The following RNF141 variants were observed in gnomAD, a reference collection of about 807,000 sequenced individuals.
RNF141 encodes the protein ring finger protein 141.
A neutral mutation model predicts 27.4 loss-of-function variants in RNF141; 18 were observed. That is an observed-to-expected ratio of 0.66 (90% CI 0.45 to 0.97). RNF141 has a LOEUF of 0.97. Ranked by LOEUF, RNF141 falls within the 50% of genes least tolerant of loss-of-function variation. The pLI is 0.00. For missense variants in RNF141, 230 were observed against 279.4 expected (o/e 0.82, Z 1.26); for synonymous variants, 97 against 96.6 (o/e 1.00, Z -0.02).
intron 4 of RNF141, among the ~76,000 whole-genome samples, chr11:10,519,583 G>T (rs1849870452): frequency 6.7e-6 from 1 of 148,566 alleles, no homozygotes; most frequent in Non-Finnish European, 1.5e-5. Context: ...AACCTAGATG[G>T]TTTAGCCTAC....
rs191643044 is a variant in RNF141 at position 10,511,954 on chromosome 11, T to C, written c.*2962A>G. ...AAAATCACTTGCGAAAGATTATTTA[T>C]TGCACAATTTATCAGTGGGTACTAA... On this transcript the variant is annotated 3_prime_UTR_variant, in exon 6 of 6. Transcript: ENST00000265981. The C allele has an allele frequency of 3.3e-5, 5 of 152,752 alleles. No homozygotes were observed. Among genetic ancestry groups the C allele is most frequent in the Admixed American group, 2.0e-4 (3 of 15,298 alleles). 9.5% of individuals were successfully genotyped at this position (152,752 alleles called of 1,614,324 possible). A position where few individuals can be genotyped will look rare whatever the true frequency, so the allele number is the denominator to read the frequency against.
At chr11:10,520,972 T>C (rs943212782) in intron 4 of RNF141, among the ~76,000 whole-genome samples, 1 of 152,220 alleles carries the variant, frequency 6.6e-6, no homozygotes, top group Non-Finnish European at 1.5e-5. Flanking sequence ...AATGCTGACA[T>C]TGATAATGGG....
At chr11:10,524,547 A>G (rs912311257) in intron 4 of RNF141, among the ~76,000 whole-genome samples, 1 of 152,228 alleles carries the variant, frequency 6.6e-6, no homozygotes, top group East Asian at 1.9e-4. Context: ...TTCCAATGAG[A>G]TATTTACAAA....
intron 3 of RNF141, among the ~76,000 whole-genome samples, chr11:10,526,081 G>A (rs186371493): frequency 8.5e-5 from 13 of 152,234 alleles, no homozygotes; most frequent in Admixed American, 7.2e-4. Flanking sequence ...TGAAATGACC[G>A]AGGCCAGTAA....
chr11:10,532,677 A>G (rs1294606516), intron 2 of RNF141, among the ~76,000 whole-genome samples: 2 of 152,218 alleles, frequency 1.3e-5, no homozygotes, highest in East Asian at 3.8e-4. Flanking sequence ...ATGTCTTCAC[A>G]TAAAGACAGT....
At chr11:10,534,278 A>T in intron 1 of RNF141, 73 bp from the exon 2 acceptor site, 1 of 1,070,896 alleles carries the variant, frequency 9.3e-7, no homozygotes, top group Admixed American at 2.3e-5. Context: ...TCAAAAACAT[A>T]AAGAAAAACT....
In RNF141 at chr11:10,512,176, G is replaced by A. The variant is rs1350054635; in HGVS notation, c.*2740C>T. ...CACATTATATTTCCTATCATAGTAA[G>A]TACATTTAAGTACTTCATATTTAAA... is the stretch of plus-strand genomic sequence containing the variant. On this transcript the variant is annotated 3_prime_UTR_variant, in exon 6 of 6. Transcript: ENST00000265981. 1 of 152,522 alleles carries A rather than the reference G, an allele frequency of 6.6e-6. No individual in the cohort carries two copies. The highest frequency in any genetic ancestry group is 1.5e-5 in the Non-Finnish European group (1 of 68,024). The allele number at this position is 152,522 out of a possible 1,614,324, so 9.4% of individuals were successfully genotyped here.
rs1436604078 is a variant in RNF141 at position 10,513,446 on chromosome 11, G to A, written c.*1470C>T. On this transcript the variant is annotated 3_prime_UTR_variant, in exon 6 of 6. Transcript: ENST00000265981. The stretch of plus-strand genomic sequence containing the variant: ...GGAATGTTAAATTTTAAAGGAGATA[G>A]GCCCTTGTTTTATTACATGCCGAAA... 6.6e-6 allele frequency: 1 copy of A among 152,086 alleles called. No homozygotes were observed. Among genetic ancestry groups the A allele is most frequent in the Non-Finnish European group, 1.5e-5 (1 of 68,010 alleles). 9.4% of individuals were successfully genotyped at this position (152,086 alleles called of 1,614,324 possible).
chr11:10,532,712 C>T (rs1198561481), intron 2 of RNF141, among the ~76,000 whole-genome samples: 2 of 152,148 alleles, frequency 1.3e-5, no homozygotes, highest in Non-Finnish European at 1.5e-5. Context: ...TAATATGTTA[C>T]AGATTGCTAA....
Position 10,534,143 on chromosome 11 carries a change from A to C in RNF141, c.16T>G (p.Ser6Ala), listed in dbSNP as rs753311836. The change falls in exon 2 of 6, where the codon TCG (serine) becomes GCG (alanine). Residue 6 changes from serine (S) to alanine (A), a missense_variant. Coordinates refer to ENST00000265981, the MANE Select transcript of RNF141 (RefSeq NM_016422.4). MGQQI[S>A]DQTQLVINKL... ...TTAATAACCAACTGTGTCTGATCCG[A>C]AATTTGCTGTCCCATGATGAAAAGA... The C allele has an allele frequency of 7.4e-6, 12 of 1,613,104 alleles. No individual in the cohort carries two copies. The highest frequency in any genetic ancestry group is 1.0e-5 in the Non-Finnish European group (12 of 1,179,550).
At chr11:10,521,360 C>T (rs1415665846) in intron 4 of RNF141, among the ~76,000 whole-genome samples, 1 of 152,190 alleles carries the variant, frequency 6.6e-6, no homozygotes, top group East Asian at 1.9e-4. Flanking sequence ...GTCTTAGATT[C>T]TCAATAAATG....
In RNF141 at chr11:10,516,062, G is replaced by T. The variant is rs1849840816; in HGVS notation, c.543-996C>A. 2.6e-5 allele frequency: 4 copies of T among 152,136 alleles called. No homozygotes were observed. In the South Asian group the frequency reaches 6.2e-4, roughly 24 times the overall value. The allele number at this position is 152,136 out of a possible 1,614,324, so 9.4% of individuals were successfully genotyped here. A position where few individuals can be genotyped will look rare whatever the true frequency, so the allele number is the denominator to read the frequency against. On this transcript the variant is annotated intron_variant, in intron 5 of 5. Transcript: ENST00000265981. ...AAATCTGGGACCAAAGTAATTATTT[G>T]TATCAACTGCTCTTTGGCTTTTATG...
intron 3 of RNF141, among the ~76,000 whole-genome samples, chr11:10,529,869 C>A (rs1222432842): frequency 6.6e-6 from 1 of 152,102 alleles, no homozygotes; most frequent in Non-Finnish European, 1.5e-5. Flanking sequence ...GTAAAACTGA[C>A]AATCTACTGA....
chr11:10,526,155 A>C (rs1175658316), intron 3 of RNF141, among the ~76,000 whole-genome samples: 2 of 152,204 alleles, frequency 1.3e-5, no homozygotes, highest in African/African-American at 4.8e-5. Flanking sequence ...GACATGAAAG[A>C]CTTCCTTTCA....
chr11:10,517,629 A>G (rs1297491321), intron 5 of RNF141: 1 of 152,188 alleles, frequency 6.6e-6, no homozygotes, highest in African/African-American at 2.4e-5. Context: ...AAAAAATGGC[A>G]CATTACCTAC....
chr11:10,524,243 G>A (rs999551861), intron 4 of RNF141, among the ~76,000 whole-genome samples: 5 of 152,058 alleles, frequency 3.3e-5, no homozygotes, highest in Non-Finnish European at 1.5e-5. Context: ...GTGAAACCCC[G>A]TCTCTACTAA....
chr11:10,514,987 G>C lies in RNF141; in HGVS notation c.622C>G (p.Pro208Ala). The change falls in exon 6 of 6, where the codon CCC (proline) becomes GCC (alanine). Residue 208 changes from proline (P) to alanine (A), a missense_variant. Coordinates refer to ENST00000265981, the MANE Select transcript of RNF141 (RefSeq NM_016422.4). ...ANESWVVSDA[P>A]TEDDMANYIL... ...TAGTTAGCCATATCATCTTCAGTGGGTGCATCTGATACCACCCAAGATTCA... is the reference window on the plus strand; with the variant it reads ...TAGTTAGCCATATCATCTTCAGTGGCTGCATCTGATACCACCCAAGATTCA... 6.2e-7 allele frequency: 1 copy of C among 1,613,912 alleles called. No homozygotes were observed. The highest frequency in any genetic ancestry group is 2.2e-5 in the East Asian group (1 of 44,864).
At chr11:10,531,199 A>C (rs1849982970) in intron 2 of RNF141, among the ~76,000 whole-genome samples, 1 of 151,974 alleles carries the variant, frequency 6.6e-6, no homozygotes, top group South Asian at 2.1e-4. Context: ...ACATGGTGAA[A>C]CCCCGTCTCT....
chr11:10,530,383 G>C (rs1849974618), intron 3 of RNF141, among the ~76,000 whole-genome samples: 1 of 152,092 alleles, frequency 6.6e-6, no homozygotes, highest in Non-Finnish European at 1.5e-5. Flanking sequence ...CAAAAACAGA[G>C]ATAGAAGATT....
Sources: gnomAD v4.1 joint callset for allele counts (sites outside exome capture counted in the v4.1 genomes callset) on GRCh38, gnomAD v4.1.1 for gene constraint, MANE v1.5 for transcripts, NCBI Gene and HGNC (gene_info 2026-07-23, HGNC 2026-07-21) for gene names.